Variants in RIMS2 observed in about 807,000 individuals in gnomAD.
RIMS2 encodes the protein regulating synaptic membrane exocytosis protein 2.
RIMS2 carries 59 observed loss-of-function variants against 174.4 expected under a neutral mutation model. That is an observed-to-expected ratio of 0.34 (90% confidence interval 0.27 to 0.42). The LOEUF (loss-of-function observed/expected upper bound fraction) is 0.42. RIMS2 is among the 10% of genes least tolerant of loss of function. RIMS2 has a pLI of 1.00. For missense variants in RIMS2, 1,620 were observed against 1,666.3 expected (o/e 0.97, Z 0.48); for synonymous variants, 606 against 572.5 (o/e 1.06, Z -0.84).
At chr8:103,535,107 G>C (rs1213861007) in intron 1 of RIMS2, among the ~76,000 whole-genome samples, 2 of 152,150 alleles carry the variant, frequency 1.3e-5, no homozygotes, top group Non-Finnish European at 2.9e-5. Context: ...ACTTTAGAAT[G>C]TACTTATATA....
At chr8:103,775,820 A>G (rs1219675169) in intron 3 of RIMS2, among the ~76,000 whole-genome samples, 1 of 152,200 alleles carries the variant, frequency 6.6e-6, no homozygotes, top group Non-Finnish European at 1.5e-5. Flanking sequence ...TTTACTGCAT[A>G]GAAGTCAGTT....
At chr8:103,591,178 A>T (rs554850326) in intron 1 of RIMS2, among the ~76,000 whole-genome samples, 2 of 151,050 alleles carry the variant, frequency 1.3e-5, no homozygotes, top group South Asian at 4.2e-4. Flanking sequence ...AAGCTTTTCC[A>T]TGTGCTTATT....
At chr8:104,218,616 A>G (rs2099141729) in intron 19 of RIMS2, among the ~76,000 whole-genome samples, 1 of 152,082 alleles carries the variant, frequency 6.6e-6, no homozygotes, top group African/African-American at 2.4e-5. Flanking sequence ...CTGTAACTAG[A>G]CAGTCCTATC....
rs551747173 is a variant in RIMS2 at position 103,847,563 on chromosome 8, T to C, written c.699-37735T>C. On this transcript the variant is annotated intron_variant, in intron 3 of 23. Coordinates refer to ENST00000504942, the Ensembl canonical transcript of RIMS2. ...CCATGTAGGTAAAGCAGGCAGTCTA[T>C]GAGCACATGTATAAAGGCACTTGCT... Among the ~76,000 whole-genome samples the C allele has an allele frequency of 8.9e-4, 135 of 152,214 alleles. 3 individuals are homozygous for C. In the South Asian group the frequency reaches 0.027, roughly 31 times the overall value.
At chr8:103,955,325 G>A (rs1185750169) in intron 14 of RIMS2, among the ~76,000 whole-genome samples, 1 of 152,132 alleles carries the variant, frequency 6.6e-6, no homozygotes, top group African/African-American at 2.4e-5. Flanking sequence ...CAATATCCCT[G>A]ATGAACATCA....
At chr8:104,198,030 C>T (rs2099034540) in intron 19 of RIMS2, among the ~76,000 whole-genome samples, 1 of 151,642 alleles carries the variant, frequency 6.6e-6, no homozygotes, top group African/African-American at 2.4e-5. Flanking sequence ...AAAAGTATAC[C>T]TATGTTAATT....
At chr8:103,515,861 A>T (rs1828717175) in intron 1 of RIMS2, among the ~76,000 whole-genome samples, 1 of 151,976 alleles carries the variant, frequency 6.6e-6, no homozygotes, top group African/African-American at 2.4e-5. Context: ...ATATCTTTTT[A>T]GTTTTTCCTC....
intron 1 of RIMS2, among the ~76,000 whole-genome samples, chr8:103,622,770 G>A (rs898852955): frequency 2.0e-5 from 3 of 152,198 alleles, no homozygotes; most frequent in Non-Finnish European, 4.4e-5. Context: ...ACCAGCCACA[G>A]GCAGTTGGCT....
At chr8:103,623,190 G>A (rs2095677194) in intron 1 of RIMS2, among the ~76,000 whole-genome samples, 1 of 152,070 alleles carries the variant, frequency 6.6e-6, no homozygotes, top group Non-Finnish European at 1.5e-5. Flanking sequence ...AGCAGACTGA[G>A]GTTTTATGCT....
intron 1 of RIMS2, among the ~76,000 whole-genome samples, chr8:103,658,872 AT>A (rs1428174869): frequency 6.6e-6 from 1 of 152,164 alleles, no homozygotes; most frequent in Non-Finnish European, 1.5e-5. Flanking sequence ...GTATCACATG[AT>A]TTCTTTGCTG....
intron 3 of RIMS2, chr8:103,880,620 G>A: frequency 2.0e-6 from 1 of 494,376 alleles, no homozygotes. Context: ...AGCACTGCCT[G>A]GCACACTGTT....
chr8:103,931,462 C>A, intron 12 of RIMS2, 69 bp downstream of exon 14: 2 of 1,082,194 alleles, frequency 1.8e-6, no homozygotes, highest in Non-Finnish European at 2.6e-6. Context: ...ATGGGTATTT[C>A]AATTCTGTAT....
intron 3 of RIMS2, among the ~76,000 whole-genome samples, chr8:103,873,275 G>A (rs1228538412): frequency 1.3e-5 from 2 of 152,096 alleles, no homozygotes; most frequent in Non-Finnish European, 2.9e-5. Context: ...GGAACAAGAT[G>A]CTCACAGAGA....
chr8:103,982,164 T>A (rs145860010), intron 16 of RIMS2, among the ~76,000 whole-genome samples: 1 of 152,068 alleles, frequency 6.6e-6, no homozygotes, highest in East Asian at 1.9e-4. Context: ...AGGAAATGCA[T>A]AAACTCCTAG....
intron 1 of RIMS2, among the ~76,000 whole-genome samples, chr8:103,677,619 A>T (rs1218395562): frequency 6.6e-6 from 1 of 152,136 alleles, no homozygotes; most frequent in Non-Finnish European, 1.5e-5. Context: ...TGGTTACCCA[A>T]TGCTCCTGGG....
chr8:104,116,226 ACT>A (rs1051926104), intron 19 of RIMS2, among the ~76,000 whole-genome samples: 7 of 152,146 alleles, frequency 4.6e-5, no homozygotes, highest in African/African-American at 1.7e-4. Flanking sequence ...AGTAAATTAA[ACT>A]CTGACTCTGC....
chr8:103,971,025 C>G lies in RIMS2; in HGVS notation c.2771-4325C>G, dbSNP rs192019421. On this transcript the variant is annotated intron_variant, in intron 15 of 23. Coordinates refer to ENST00000504942, the Ensembl canonical transcript of RIMS2. ...CAATTCTAGGCATGGAGTTTTCCCCCCCATAGTATACTGAGCAACAGGAAT... is the reference window on the plus strand; with the variant it reads ...CAATTCTAGGCATGGAGTTTTCCCCGCCATAGTATACTGAGCAACAGGAAT... Among the ~76,000 whole-genome samples the G allele has an allele frequency of 3.1e-3, 478 of 152,222 alleles. 2 individuals carry two copies. Among genetic ancestry groups the G allele is most frequent in the Non-Finnish European group, 4.9e-3 (332 of 68,004 alleles).
intron 19 of RIMS2, among the ~76,000 whole-genome samples, chr8:104,065,090 T>C (rs2097081323): frequency 6.6e-6 from 1 of 152,036 alleles, no homozygotes; most frequent in Non-Finnish European, 1.5e-5. Flanking sequence ...TTCAACAATA[T>C]ATAAACAGAT....
chr8:103,989,470 C>T, intron 17 of RIMS2, 49 bp downstream of exon 19: 5 of 970,190 alleles, frequency 5.2e-6, no homozygotes, highest in Non-Finnish European at 8.0e-6. Flanking sequence ...ATAATCACTG[C>T]TTTCAGGAAG....
Sources: allele counts gnomAD v4.1 joint callset (sites outside exome capture counted in the v4.1 genomes callset), GRCh38; gene constraint gnomAD v4.1.1; transcripts MANE v1.5; gene names NCBI Gene and HGNC (gene_info 2026-07-23, HGNC 2026-07-21).